The following PAX7 variants were observed in gnomAD, a reference collection of about 807,000 sequenced individuals.
The protein encoded by PAX7 is paired box 7, also known as paired box protein Pax-7.
A neutral mutation model predicts 50.7 loss-of-function variants in PAX7; 18 were observed. The ratio of observed to expected loss-of-function variants is 0.36; its 90% CI spans 0.25 to 0.53. The LOEUF (loss-of-function observed/expected upper bound fraction) is 0.53. PAX7 is among the 20% of genes least tolerant of loss of function. The probability of loss-of-function intolerance (pLI) is 0.93; values close to 1 mark genes in which losing one functional copy is unlikely to be tolerated. For missense variants in PAX7, 644 were observed against 702.9 expected (o/e 0.92, Z 0.95); for synonymous variants, 310 against 290.4 (o/e 1.07, Z -0.69).
At chr1:18,701,230 C>T (rs995501916) in intron 6 of PAX7, among the ~76,000 whole-genome samples, 13 of 152,166 alleles carry the variant, frequency 8.5e-5, no homozygotes, top group African/African-American at 3.1e-4. Flanking sequence ...GGGAAAGGAA[C>T]GGATTCTGCA....
At position 18,636,490 on chromosome 1, in the gene PAX7, T is replaced by A; in HGVS notation, c.586+119T>A. 1 of 1,292,280 alleles carries A rather than the reference T, an allele frequency of 7.7e-7. No individual in the cohort carries two copies. Among genetic ancestry groups the A allele is most frequent in the Non-Finnish European group, 1.1e-6 (1 of 933,200 alleles). 80.1% of individuals were successfully genotyped at this position (1,292,280 alleles called of 1,614,324 possible). A position where few individuals can be genotyped will look rare whatever the true frequency, so the allele number is the denominator to read the frequency against. On this transcript the variant is annotated intron_variant, in intron 4 of 8. Transcript: ENST00000420770. The surrounding 1 kb of genome is among the most constrained non-coding windows in gnomAD (Gnocchi z 5.1). ...GACCAGAACTCCAGCGGAGAAACTC[T>A]CATGCTGCGGGGCAGCTGGGAGCCG...
Position 18,634,504 on chromosome 1 carries a change from T to G in PAX7, c.287T>G (p.Ile96Ser). The G allele has an allele frequency of 6.2e-7, 1 of 1,614,054 alleles. No individual in the cohort carries two copies. Among genetic ancestry groups the G allele is most frequent in the South Asian group, 1.1e-5 (1 of 91,078 alleles). ...ILCRYQETGSIRPGAIGGSKP... is the reference protein window; with the variant it reads ...ILCRYQETGSSRPGAIGGSKP... Reference sequence around the variant, plus strand: ...TGCCGCTACCAGGAGACCGGGTCCATCCGGCCTGGGGCCATCGGCGGCAGC... The same window carrying G: ...TGCCGCTACCAGGAGACCGGGTCCAGCCGGCCTGGGGCCATCGGCGGCAGC... Residue 96 changes from isoleucine to serine, a missense_variant, in exon 2 of 9, where the codon ATC becomes AGC. Coordinates refer to ENST00000420770, the MANE Select transcript of PAX7 (RefSeq NM_001135254.2). The surrounding 1 kb of genome is among the most constrained non-coding windows in gnomAD (Gnocchi z 4.0).
rs6659720 is a variant in PAX7, at chr1:18,687,248, G to A, written c.587-4506G>A. Among the ~76,000 whole-genome samples, 1,301 of 152,166 alleles carry A rather than the reference G, an allele frequency of 8.5e-3. 18 individuals carry two copies. The highest frequency in any genetic ancestry group is 0.03 in the South Asian group (142 of 4,806). On this transcript the variant is annotated intron_variant, in intron 4 of 8. Transcript: ENST00000420770. ...CATCCAGGGAGGGAGGCATACAAGG[G>A]TGTATTGTTATCTTCATTTTTATAG...
At chr1:18,688,575 C>A (rs11261049) in intron 4 of PAX7, among the ~76,000 whole-genome samples, 1 of 152,224 alleles carries the variant, frequency 6.6e-6, no homozygotes, top group Non-Finnish European at 1.5e-5. Flanking sequence ...TTGGACAGCA[C>A]TGCTCTAGAA....
chr1:18,730,263 G>C (rs2089630145), intron 7 of PAX7, among the ~76,000 whole-genome samples: 1 of 152,210 alleles, frequency 6.6e-6, no homozygotes. Context: ...CAGAGTCGCA[G>C]TTAGTCAGGG....
At chr1:18,696,046 T>C (rs1375594429) in intron 5 of PAX7, among the ~76,000 whole-genome samples, 1 of 151,608 alleles carries the variant, frequency 6.6e-6, no homozygotes, top group Non-Finnish European at 1.5e-5. Flanking sequence ...CTAGGTAGCA[T>C]TCATGGTGCA....
chr1:18,691,608 C>A, intron 4 of PAX7, 146 bp from the exon 5 acceptor site: 2 of 666,044 alleles, frequency 3.0e-6, no homozygotes, highest in Admixed American at 5.5e-5. Context: ...GAGCATCCTT[C>A]TATCTTGTGC....
rs894432523 is a variant in PAX7, at chr1:18,735,341, C to G, written c.1156-291C>G. ...ATTCAATAGACAGGCCCAGAGTGAC[C>G]CTTAGGGCCAGACCCTGGAGCTAGA... is the stretch of plus-strand genomic sequence containing the variant. On this transcript the variant is annotated intron_variant, in intron 7 of 8. Transcript: ENST00000420770. This position sits in a 1 kb window ranked among gnomAD's most constrained non-coding sequence, Gnocchi z 4.0. Among the ~76,000 whole-genome samples the G allele has an allele frequency of 6.6e-6, 1 of 152,140 alleles. No individual in the cohort carries two copies. Among genetic ancestry groups the G allele is most frequent in the East Asian group, 1.9e-4 (1 of 5,180 alleles).
At chr1:18,635,040 G>A (rs1476273535) in intron 2 of PAX7, 71 bp from the exon 3 acceptor site, 3 of 1,569,448 alleles carry the variant, frequency 1.9e-6, no homozygotes, top group Admixed American at 3.4e-5. Flanking sequence ...CTCTTAAGAG[G>A]TGATATTAAA....
chr1:18,701,379 AGT>A (rs972595669), intron 6 of PAX7, among the ~76,000 whole-genome samples: 8 of 150,700 alleles, frequency 5.3e-5, no homozygotes, highest in South Asian at 2.1e-4. Flanking sequence ...TGAGTGAATG[AGT>A]GTGTGTGGGT....
At chr1:18,685,377 T>C (rs1570169112) in intron 4 of PAX7, among the ~76,000 whole-genome samples, 1 of 152,228 alleles carries the variant, frequency 6.6e-6, no homozygotes, top group East Asian at 1.9e-4. Flanking sequence ...GAGGCCTTTA[T>C]TGAGCACATG....
intron 7 of PAX7, among the ~76,000 whole-genome samples, chr1:18,725,549 A>C (rs1398222473): frequency 6.6e-6 from 1 of 152,128 alleles, no homozygotes; most frequent in African/African-American, 2.4e-5. Context: ...GGAGCAGGGA[A>C]GGGAGGGGGA....
chr1:18,668,449 C>T (rs2088698971), intron 4 of PAX7, among the ~76,000 whole-genome samples: 1 of 152,130 alleles, frequency 6.6e-6, no homozygotes, highest in Non-Finnish European at 1.5e-5. Context: ...ACCTGTAATC[C>T]CAGCACTTTG....
intron 7 of PAX7, among the ~76,000 whole-genome samples, chr1:18,706,576 C>T (rs931564006): frequency 4.7e-5 from 7 of 149,936 alleles, no homozygotes; most frequent in African/African-American, 1.7e-4. Context: ...ATTCTCCTGT[C>T]TTCGCCTCCA....
At chr1:18,638,181 C>A (rs1335994884) in intron 4 of PAX7, among the ~76,000 whole-genome samples, 1 of 152,168 alleles carries the variant, frequency 6.6e-6, no homozygotes, top group Non-Finnish European at 1.5e-5. Context: ...TGTTTGCACG[C>A]AGGGAGTATA....
chr1:18,743,921 G>A (rs1335370274), intron 8 of PAX7, among the ~76,000 whole-genome samples: 1 of 152,224 alleles, frequency 6.6e-6, no homozygotes, highest in African/African-American at 2.4e-5. Flanking sequence ...TTGCTCTTCT[G>A]TGGACATTCA....
At chr1:18,672,496 T>A (rs2088764982) in intron 4 of PAX7, among the ~76,000 whole-genome samples, 1 of 152,028 alleles carries the variant, frequency 6.6e-6, no homozygotes, top group African/African-American at 2.4e-5. Flanking sequence ...CATGTCAATT[T>A]CAGGAAACAC....
intron 6 of PAX7, among the ~76,000 whole-genome samples, chr1:18,702,793 T>C (rs2743198): frequency 0.051 from 7,709 of 152,102 alleles, 476 homozygotes; most frequent in African/African-American, 0.15. Context: ...CAAGGTCTGG[T>C]TTTCAGCCCA....
Position 18,636,330 on chromosome 1 carries a change from A to T in PAX7, c.545A>T (p.Lys182Met). ...GACAAGAAGGAGGACGACGGCGAAA[A>T]GAAGGCCAAACACAGCATCGACGGC... is the stretch of plus-strand genomic sequence containing the variant. ...EADKKEDDGE[K>M]KAKHSIDGIL... Residue 182 changes from lysine (K) to methionine (M), a missense_variant, in exon 4 of 9, where the codon AAG (lysine) becomes ATG (methionine). Lys to Met is a moderately conservative substitution (Grantham distance 95). Transcript: ENST00000420770. The surrounding 1 kb of genome is among the most constrained non-coding windows in gnomAD (Gnocchi z 5.1). The T allele has an allele frequency of 6.2e-7, 1 of 1,614,238 alleles. No individual in the cohort carries two copies. The highest frequency in any genetic ancestry group is 8.5e-7 in the Non-Finnish European group (1 of 1,180,020).
Sources: allele counts gnomAD v4.1 joint callset (sites outside exome capture counted in the v4.1 genomes callset), GRCh38; gene constraint gnomAD v4.1.1; non-coding constraint Gnocchi (gnomAD v3.1); transcripts MANE v1.5; gene names NCBI Gene and HGNC (gene_info 2026-07-23, HGNC 2026-07-21).